The following SSBP3 variants were observed in gnomAD, a reference collection of about 807,000 sequenced individuals.
SSBP3 encodes the protein single stranded DNA binding protein 3, also known as single-stranded DNA-binding protein 3.
SSBP3 carries 5 observed loss-of-function variants against 69.6 expected under a neutral mutation model. The ratio of observed to expected loss-of-function variants is 0.07; its 90% CI spans 0.04 to 0.15. The LOEUF (loss-of-function observed/expected upper bound fraction) is 0.15, where lower values mean the gene tolerates loss of function less well. Among genes scored for constraint, SSBP3 ranks in the 10% least tolerant of loss-of-function variants. The probability of loss-of-function intolerance (pLI) is 1.00; values close to 1 mark genes in which losing one functional copy is unlikely to be tolerated. For missense variants in SSBP3, 312 were observed against 534.0 expected, an observed-to-expected ratio of 0.58 and a Z score of 4.10; for synonymous variants, 196 against 193.4, an observed-to-expected ratio of 1.01 and a Z score of -0.11.
intron 4 of SSBP3, among the ~76,000 whole-genome samples, chr1:54,356,100 T>C (rs1646858585): frequency 1.3e-5 from 2 of 152,160 alleles, no homozygotes; most frequent in African/African-American, 4.8e-5. Flanking sequence ...CCTACCAGAT[T>C]AGAAGGCCTG....
At chr1:54,317,011 T>C (rs775705191) in intron 4 of SSBP3, among the ~76,000 whole-genome samples, 3 of 152,170 alleles carry the variant, frequency 2.0e-5, no homozygotes, top group Non-Finnish European at 2.9e-5. Context: ...ACGACCCACC[T>C]TTCACTACTA....
chr1:54,266,981 G>A (rs1645113321), intron 5 of SSBP3, among the ~76,000 whole-genome samples: 1 of 152,210 alleles, frequency 6.6e-6, no homozygotes. Context: ...ACAATGCTGG[G>A]GAAGAAGCCC....
intron 4 of SSBP3, among the ~76,000 whole-genome samples, chr1:54,316,657 AAATAAAATAAAT>A (rs1341969829): frequency 0.02 from 759 of 37,908 alleles, 98 homozygotes; most frequent in African/African-American, 0.056. Flanking sequence ...CAAAAAAAAA[AAATAAAATAAAT>A]AAATAAATAA....
At chr1:54,391,090 T>G (rs1158284348) in intron 4 of SSBP3, among the ~76,000 whole-genome samples, 1 of 152,224 alleles carries the variant, frequency 6.6e-6, no homozygotes, top group African/African-American at 2.4e-5. Context: ...GGTGGAGGTT[T>G]TCTCAAGTCA....
At chr1:54,251,210 C>T (rs914195140) in intron 9 of SSBP3, among the ~76,000 whole-genome samples, 6 of 152,286 alleles carry the variant, frequency 3.9e-5, no homozygotes, top group Admixed American at 2.0e-4. Context: ...CACTCATCTG[C>T]GCCGCCTCTG....
chr1:54,328,933 G>A (rs1646357844), intron 4 of SSBP3, among the ~76,000 whole-genome samples: 1 of 152,222 alleles, frequency 6.6e-6, no homozygotes, highest in Non-Finnish European at 1.5e-5. Context: ...GGAGGGCAGG[G>A]GCTGGCGTGT....
At position 54,404,674 on chromosome 1, in the gene SSBP3, G is replaced by C. The variant is rs960124222; in HGVS notation, c.130-37C>G. 4 of 1,612,912 alleles carry C rather than the reference G, an allele frequency of 2.5e-6. No homozygotes were observed. In the East Asian group the frequency reaches 6.7e-5, roughly 27 times the overall value. On this transcript the variant is annotated intron_variant, in intron 2 of 17. Coordinates refer to ENST00000610401, the Ensembl canonical transcript of SSBP3. ...AGAGCAGAAGCAGCTTAGAGGAGCA[G>C]AGACGGGGTGGGCTGGGGGCTTCCC...
At chr1:54,315,932 G>T (rs553875936) in intron 4 of SSBP3, among the ~76,000 whole-genome samples, 1 of 152,242 alleles carries the variant, frequency 6.6e-6, no homozygotes, top group East Asian at 1.9e-4. Flanking sequence ...AAAGTACTGG[G>T]ATTACAGGCA....
intron 4 of SSBP3, among the ~76,000 whole-genome samples, chr1:54,351,425 G>A (rs542691987): frequency 5.9e-5 from 9 of 152,268 alleles, no homozygotes; most frequent in South Asian, 4.1e-4. Context: ...CTGAAGAGCC[G>A]GGGGTGCCAG....
chr1:54,320,030 T>C (rs536713565), intron 4 of SSBP3, among the ~76,000 whole-genome samples: 71 of 152,242 alleles, frequency 4.7e-4, no homozygotes, highest in African/African-American at 1.7e-3. Flanking sequence ...CAGCTTGCCA[T>C]CCATTCCTGT....
exon 10 of SSBP3, chr1:54,243,241 A>G: frequency 6.2e-7 from 1 of 1,613,852 alleles, no homozygotes; most frequent in Non-Finnish European, 8.5e-7. Context: ...TTACATGTTA[A>G]TCCCGGGCAT....
chr1:54,336,845 G>C (rs763715527), intron 4 of SSBP3, among the ~76,000 whole-genome samples: 4 of 152,152 alleles, frequency 2.6e-5, no homozygotes, highest in Non-Finnish European at 4.4e-5. Flanking sequence ...CCTCAGCCAC[G>C]TGCGTGGTAA....
chr1:54,240,137 A>C (rs1312817162), intron 13 of SSBP3, among the ~76,000 whole-genome samples: 3 of 140,952 alleles, frequency 2.1e-5, no homozygotes, highest in African/African-American at 2.6e-5. Flanking sequence ...ATGCCCACGT[A>C]TGTGCACGCA....
chr1:54,233,124 T>C (rs932585621), intron 14 of SSBP3, among the ~76,000 whole-genome samples: 3 of 149,324 alleles, frequency 2.0e-5, no homozygotes, highest in African/African-American at 7.5e-5. Context: ...CCATCCCATC[T>C]AGGAAGTGAG....
intron 5 of SSBP3, among the ~76,000 whole-genome samples, chr1:54,273,874 G>T (rs1484332489): frequency 6.6e-6 from 1 of 152,250 alleles, no homozygotes; most frequent in Non-Finnish European, 1.5e-5. Flanking sequence ...GTGGGGCCTA[G>T]GGGTGGGGAA....
chr1:54,398,858 G>A (rs1280599699), intron 4 of SSBP3, among the ~76,000 whole-genome samples: 1 of 152,132 alleles, frequency 6.6e-6, no homozygotes, highest in Non-Finnish European at 1.5e-5. Context: ...CACCGAAGAT[G>A]GGTCTGGTAT....
chr1:54,280,962 G>A (rs976260859), intron 5 of SSBP3, among the ~76,000 whole-genome samples: 1 of 152,208 alleles, frequency 6.6e-6, no homozygotes, highest in Non-Finnish European at 1.5e-5. Context: ...TCTGAGACCT[G>A]CCAGGATGGT....
At chr1:54,299,206 C>G (rs1645756343) in intron 4 of SSBP3, among the ~76,000 whole-genome samples, 1 of 152,202 alleles carries the variant, frequency 6.6e-6, no homozygotes. Context: ...GCCAAGTACA[C>G]ACACACACCC....
At chr1:54,378,055 C>T (rs777464140) in intron 4 of SSBP3, among the ~76,000 whole-genome samples, 1 of 152,146 alleles carries the variant, frequency 6.6e-6, no homozygotes, top group Non-Finnish European at 1.5e-5. Context: ...CCTCTACAGG[C>T]CCCGGTCCCC....
Sources: gnomAD v4.1 joint callset for allele counts (sites outside exome capture counted in the v4.1 genomes callset) on GRCh38, gnomAD v4.1.1 for gene constraint, MANE v1.5 for transcripts, NCBI Gene and HGNC (gene_info 2026-07-23, HGNC 2026-07-21) for gene names.